TRPC5: variants seen among roughly 807,000 people sequenced by gnomAD.
The protein encoded by TRPC5 is transient receptor potential cation channel subfamily C member 5, also known as short transient receptor potential channel 5.
TRPC5 carries 9 observed loss-of-function variants against 56.5 expected under a neutral mutation model. The observed-to-expected ratio is 0.16, with a 90% CI of 0.10 to 0.28. The LOEUF (loss-of-function observed/expected upper bound fraction) is 0.28, where lower values mean the gene tolerates loss of function less well. Ranked by LOEUF, TRPC5 falls within the 10% of genes least tolerant of loss-of-function variation. TRPC5 has a pLI of 1.00. For synonymous variants in TRPC5, 282 were observed against 278.5 expected (o/e 1.01, Z -0.13); for missense variants, 469 against 748.9 (o/e 0.63, Z 4.36).
intron 1 of TRPC5, among the ~76,000 whole-genome samples, chrX:112,024,550 A>T (rs1195214205): frequency 2.7e-5 from 3 of 111,221 alleles, no homozygotes. Flanking sequence ...TTAGACTAGA[A>T]CTATACCATC....
At chrX:111,869,675 A>ATTC (rs1376762804) in intron 3 of TRPC5, among the ~76,000 whole-genome samples, 6 of 112,416 alleles carry the variant, frequency 5.3e-5, no homozygotes, top group Non-Finnish European at 1.1e-4. Flanking sequence ...AGATGTTATA[A>ATTC]TTCTGTGTTG....
At chrX:112,002,222 A>C (rs910803049) in intron 1 of TRPC5, among the ~76,000 whole-genome samples, 1 of 111,910 alleles carries the variant, frequency 8.9e-6, no homozygotes, top group Non-Finnish European at 1.9e-5. Flanking sequence ...ATGGACAAAA[A>C]TTTTCACTGA....
chrX:111,821,530 A>G (rs1922030445), intron 7 of TRPC5, among the ~76,000 whole-genome samples: 1 of 111,465 alleles, frequency 9.0e-6, no homozygotes, highest in Admixed American at 9.6e-5. Flanking sequence ...GCTAAAGGAC[A>G]CCTCCTTGCC....
intron 7 of TRPC5, among the ~76,000 whole-genome samples, chrX:111,805,684 A>C (rs1315361794): frequency 9.0e-6 from 1 of 111,475 alleles, no homozygotes; most frequent in South Asian, 3.8e-4. Context: ...AGATATAGAT[A>C]TATTTTTGAG....
At chrX:111,833,713 A>G (rs1441222951) in intron 7 of TRPC5, among the ~76,000 whole-genome samples, 2 of 110,872 alleles carry the variant, frequency 1.8e-5, no homozygotes, top group South Asian at 3.8e-4. Flanking sequence ...GACATGGACA[A>G]TGTGCATGTA....
intron 1 of TRPC5, among the ~76,000 whole-genome samples, chrX:111,995,445 C>T (rs1235760370): frequency 9.0e-6 from 1 of 111,438 alleles, no homozygotes; most frequent in African/African-American, 3.3e-5. Flanking sequence ...TGTGTCTCTG[C>T]CAGGCTTTGG....
At chrX:111,834,183 G>A in intron 7 of TRPC5, among the ~76,000 whole-genome samples, 1 of 112,232 alleles carries the variant, frequency 8.9e-6, no homozygotes, top group Non-Finnish European at 1.9e-5. Context: ...CTAGTCTAGG[G>A]TAATAAACAC....
intron 1 of TRPC5, among the ~76,000 whole-genome samples, chrX:112,049,292 T>TG (rs1229377514): frequency 2.7e-5 from 3 of 109,359 alleles, no homozygotes; most frequent in African/African-American, 1.0e-4. Context: ...ATTCCTGATT[T>TG]GGGTAAGGAA....
intron 2 of TRPC5, among the ~76,000 whole-genome samples, chrX:111,932,315 T>C (rs1054489698): frequency 8.9e-6 from 1 of 111,735 alleles, no homozygotes; most frequent in Non-Finnish European, 1.9e-5. Context: ...TATATGCATA[T>C]GTCCAAACAC....
In TRPC5 at chrX:111,769,759, A is replaced by G. The variant is rs1232332591; in HGVS notation, c.*6554T>C. Among the ~76,000 whole-genome samples the G allele has an allele frequency of 8.9e-6, 1 of 112,008 alleles. No homozygotes were observed. The highest frequency in any genetic ancestry group is 3.2e-5 in the African/African-American group (1 of 30,865). On this transcript the variant is annotated 3_prime_UTR_variant, in exon 11 of 11. Transcript: ENST00000262839. ...GTGCCTATTGTGTAGTAGCACTTGAAAATGTTTTTTGTTTGTTCGTTTGTT... is the reference window on the plus strand; with the variant it reads ...GTGCCTATTGTGTAGTAGCACTTGAGAATGTTTTTTGTTTGTTCGTTTGTT...
At chrX:111,829,433 T>C (rs1290723767) in intron 7 of TRPC5, among the ~76,000 whole-genome samples, 1 of 107,806 alleles carries the variant, frequency 9.3e-6, no homozygotes, top group African/African-American at 3.4e-5. Flanking sequence ...AGGAGGTGAA[T>C]GTTAATCACT....
In TRPC5 at chrX:111,796,776, G is replaced by A. The variant is rs762774789; in HGVS notation, c.1897-14638C>T. Among the ~76,000 whole-genome samples, 131 of 111,130 alleles carry A rather than the reference G, an allele frequency of 1.2e-3. 4 individuals are homozygous for A. Among genetic ancestry groups the A allele is most frequent in the Non-Finnish European group, 4.9e-4 (26 of 52,940 alleles). Reference sequence around the variant, plus strand: ...GGGAGAGATTAGGGCCTTCTCCAATGTTTCTGGGCATGCATACAGCCCTGT... The same window carrying A: ...GGGAGAGATTAGGGCCTTCTCCAATATTTCTGGGCATGCATACAGCCCTGT... On this transcript the variant is annotated intron_variant, in intron 7 of 10. Transcript: ENST00000262839.
At chrX:111,837,769 G>C (rs1208357511) in intron 6 of TRPC5, among the ~76,000 whole-genome samples, 2 of 110,375 alleles carry the variant, frequency 1.8e-5, no homozygotes, top group Non-Finnish European at 3.8e-5. Flanking sequence ...GTAAAAGTCT[G>C]AGCATTTAAA....
chrX:111,946,617 C>A (rs1293204036), intron 2 of TRPC5, among the ~76,000 whole-genome samples: 1 of 112,047 alleles, frequency 8.9e-6, no homozygotes, highest in Non-Finnish European at 1.9e-5. Context: ...TATGAAAGTC[C>A]AGAGGGTCTT....
chrX:111,925,200 C>T (rs1926226368), intron 2 of TRPC5, among the ~76,000 whole-genome samples: 1 of 112,456 alleles, frequency 8.9e-6, no homozygotes, highest in African/African-American at 3.2e-5. Context: ...TGTACCTAAA[C>T]TGCAGCATGG....
rs139473785 is a variant in TRPC5 at position 112,040,360 on chromosome X, G to C, written c.-22+41519C>G. Among the ~76,000 whole-genome samples the C allele has an allele frequency of 8.7e-4, 97 of 112,115 alleles. No homozygotes were observed. In the East Asian group the frequency reaches 0.019, roughly 22 times the overall value. ...CAGCTAATTCAGAACTTCCTTATTA[G>C]CTAGACTCTTGATGATCTAGAACAA... On this transcript the variant is annotated intron_variant, in intron 1 of 10. Coordinates refer to ENST00000262839, the MANE Select transcript of TRPC5 (RefSeq NM_012471.3).
At chrX:112,076,435 T>C (rs755323081) in intron 1 of TRPC5, among the ~76,000 whole-genome samples, 1 of 110,578 alleles carries the variant, frequency 9.0e-6, no homozygotes, top group Non-Finnish European at 1.9e-5. Flanking sequence ...GAGGTAGGAG[T>C]TGCTCTTTTT....
intron 2 of TRPC5, among the ~76,000 whole-genome samples, chrX:111,928,669 G>A (rs941609086): frequency 3.6e-5 from 4 of 111,907 alleles, no homozygotes; most frequent in Middle Eastern, 4.6e-3. Context: ...CTAGCTCTAC[G>A]GCTGCTGTCT....
Position 111,838,373 on chromosome X carries a change from G to C in TRPC5, c.1701-3257C>G, listed in dbSNP as rs950766897. On this transcript the variant is annotated intron_variant, in intron 6 of 10. Coordinates refer to ENST00000262839, the MANE Select transcript of TRPC5 (RefSeq NM_012471.3). ...AGGGACTGTCATGTGAGGTGGAAAA[G>C]AATATTCTGGTGAGACATCTGCTGG... Among the ~76,000 whole-genome samples, 3 of 110,450 alleles carry C rather than the reference G, an allele frequency of 2.7e-5. No individual in the cohort carries two copies. In the Admixed American group the frequency reaches 2.9e-4, roughly 11 times the overall value.
Sources: allele counts gnomAD v4.1 joint callset (sites outside exome capture counted in the v4.1 genomes callset), GRCh38; gene constraint gnomAD v4.1.1; transcripts MANE v1.5; gene names NCBI Gene and HGNC (gene_info 2026-07-23, HGNC 2026-07-21).